The following PRKAR1B variants were observed in gnomAD, a reference collection of about 807,000 sequenced individuals.
PRKAR1B encodes protein kinase cAMP-dependent type I regulatory subunit beta.
In PRKAR1B, 22 loss-of-function variants were observed where a neutral mutation model predicts 46.5. That is an observed-to-expected ratio of 0.47 (90% CI 0.34 to 0.68). The LOEUF is 0.68. Ranked by LOEUF, PRKAR1B falls within the 30% of genes least tolerant of loss-of-function variation. The pLI is 0.01. For missense variants in PRKAR1B, 445 were observed against 535.6 expected, an observed-to-expected ratio of 0.83 and a Z score of 1.67; for synonymous variants, 259 against 217.7, an observed-to-expected ratio of 1.19 and a Z score of -1.67.
At chr7:577,715 C>T (rs1779940660) in intron 9 of PRKAR1B, among the ~76,000 whole-genome samples, 1 of 152,200 alleles carries the variant, frequency 6.6e-6, no homozygotes, top group African/African-American at 2.4e-5. Context: ...GGCCACAGTT[C>T]AAACAACCAT....
At chr7:671,314 C>T (rs1786242673) in intron 4 of PRKAR1B, among the ~76,000 whole-genome samples, 1 of 152,212 alleles carries the variant, frequency 6.6e-6, no homozygotes, top group Non-Finnish European at 1.5e-5. Flanking sequence ...AGGGGGCTCC[C>T]CACGCCCAAA....
intron 2 of PRKAR1B, among the ~76,000 whole-genome samples, chr7:697,264 G>A (rs1779791295): frequency 6.6e-6 from 1 of 152,150 alleles, no homozygotes; most frequent in African/African-American, 2.4e-5. Flanking sequence ...GCCTGGGGTG[G>A]GGGTGGAATC....
chr7:685,272 A>G lies in PRKAR1B; in HGVS notation c.178-4546T>C, dbSNP rs1562615350. Among the ~76,000 whole-genome samples, 2 of 30,746 alleles carry G rather than the reference A, an allele frequency of 6.5e-5. 1 individual carries two copies. The highest frequency in any genetic ancestry group is 1.3e-4 in the Non-Finnish European group (2 of 15,734). The allele number at this position is 30,746 out of a possible 152,430, so 20.2% of individuals were successfully genotyped here. A position where few individuals can be genotyped will look rare whatever the true frequency, so the allele number is the denominator to read the frequency against. ...ACGTTTTATATATACATATATACGT[A>G]TATATACGTATATATATGTATACAT... is the stretch of plus-strand genomic sequence containing the variant. On this transcript the variant is annotated intron_variant, in intron 2 of 10. Transcript: ENST00000537384.
At chr7:712,731 A>T (rs1207833484) in intron 1 of PRKAR1B, 1 of 55,676 alleles carries the variant, frequency 1.8e-5, no homozygotes, top group African/African-American at 6.9e-5. Flanking sequence ...CGCCCCCTCC[A>T]CTCAGACTCT....
intron 4 of PRKAR1B, among the ~76,000 whole-genome samples, chr7:660,538 C>G (rs1785459623): frequency 8.0e-6 from 1 of 124,576 alleles, no homozygotes; most frequent in African/African-American, 3.1e-5. Flanking sequence ...GCACAGGTCC[C>G]CACCCCAACG....
At chr7:695,030 CA>C (rs924223625) in intron 2 of PRKAR1B, among the ~76,000 whole-genome samples, 2,102 of 78,504 alleles carry the variant, frequency 0.027, 22 homozygotes, top group East Asian at 0.16. Flanking sequence ...GACTCCGTCT[CA>C]AAAAAAAAAA....
intron 4 of PRKAR1B, among the ~76,000 whole-genome samples, chr7:631,502 C>G (rs989003348): frequency 6.6e-6 from 1 of 152,210 alleles, no homozygotes; most frequent in African/African-American, 2.4e-5. Context: ...AGCACCCAGA[C>G]AGAAGCCAGT....
chr7:707,970 C>G (rs1780421607), intron 2 of PRKAR1B, among the ~76,000 whole-genome samples: 1 of 151,852 alleles, frequency 6.6e-6, no homozygotes, highest in Non-Finnish European at 1.5e-5. Flanking sequence ...CATCCCACCA[C>G]ACCTTGATCT....
At chr7:669,967 G>C (rs1054940917) in intron 4 of PRKAR1B, among the ~76,000 whole-genome samples, 1 of 146,342 alleles carries the variant, frequency 6.8e-6, no homozygotes, top group African/African-American at 2.5e-5. Context: ...CCAGGTTCAC[G>C]CCATTCTCCT....
At chr7:589,929 C>T (rs1780882349) in intron 7 of PRKAR1B, among the ~76,000 whole-genome samples, 1 of 152,256 alleles carries the variant, frequency 6.6e-6, no homozygotes, top group Non-Finnish European at 1.5e-5. Flanking sequence ...ATGATGCCAA[C>T]ACCAAGCCCA....
rs1213439598 is a variant in PRKAR1B at position 635,991 on chromosome 7, C to T, written c.441-28539G>A. On this transcript the variant is annotated intron_variant, in intron 4 of 10. Coordinates refer to ENST00000537384, the MANE Select transcript of PRKAR1B (RefSeq NM_001164760.2). Reference sequence around the variant, plus strand: ...ACGTCCTCCACCGGCCGCGCCCTCACGTCCTCCACCGGCCGCGCCCTCACG... The same window carrying T: ...ACGTCCTCCACCGGCCGCGCCCTCATGTCCTCCACCGGCCGCGCCCTCACG... Among the ~76,000 whole-genome samples, 8 of 101,360 alleles carry T rather than the reference C, an allele frequency of 7.9e-5. No homozygotes were observed. The East Asian group carries it at 2.5e-3, about 31-fold the overall frequency. 66.5% of individuals were successfully genotyped at this position (101,360 alleles called of 152,430 possible). A position where few individuals can be genotyped will look rare whatever the true frequency, so the allele number is the denominator to read the frequency against.
At chr7:711,205 C>T (rs1185720097) in intron 2 of PRKAR1B, 124 bp downstream of exon 2, 3 of 1,335,830 alleles carry the variant, frequency 2.2e-6, no homozygotes, top group Non-Finnish European at 2.1e-6. Context: ...ACCTGCAGGA[C>T]GGCAGACAGT....
chr7:663,602 C>G (rs1052262408), intron 4 of PRKAR1B, among the ~76,000 whole-genome samples: 1 of 152,098 alleles, frequency 6.6e-6, no homozygotes, highest in Non-Finnish European at 1.5e-5. Flanking sequence ...GGGGAGGGGA[C>G]GGCTGTGTCC....
intron 6 of PRKAR1B, among the ~76,000 whole-genome samples, chr7:605,481 C>T (rs141245067): frequency 2.3e-3 from 354 of 152,266 alleles, no homozygotes; most frequent in African/African-American, 8.0e-3. Flanking sequence ...GACTGGGCTG[C>T]GGGGCCAGGG....
intron 1 of PRKAR1B, chr7:712,626 C>CG (rs1780718417): frequency 1.6e-5 from 2 of 126,152 alleles, no homozygotes; most frequent in Non-Finnish European, 3.5e-5. Context: ...CCCCCAACCC[C>CG]GGCCCCCACC....
At chr7:723,828 T>A (rs73256261) in intron 1 of PRKAR1B, among the ~76,000 whole-genome samples, 1 of 152,166 alleles carries the variant, frequency 6.6e-6, no homozygotes, top group East Asian at 1.9e-4. Context: ...CCTCCCTGTT[T>A]GCTACCTGAG....
At chr7:621,555 GT>G (rs1347089634) in intron 4 of PRKAR1B, among the ~76,000 whole-genome samples, 5 of 152,182 alleles carry the variant, frequency 3.3e-5, no homozygotes, top group Admixed American at 6.5e-5. Context: ...AGGACTCCAC[GT>G]TTTCCACTTA....
chr7:572,461 C>A (rs1370801738), intron 9 of PRKAR1B, among the ~76,000 whole-genome samples: 4 of 152,126 alleles, frequency 2.6e-5, no homozygotes, highest in Admixed American at 2.6e-4. Flanking sequence ...TTCCTGCAGC[C>A]TGGCCCTGCC....
Position 560,385 on chromosome 7 carries a change from AT to A in PRKAR1B, c.892-8916del, listed in dbSNP as rs1446676668. Reference sequence around the variant, plus strand: ...AATAATAATAATAATAATAATAATAATAATAAATATATTTTAAAAGAAACTT... The same window carrying A: ...AATAATAATAATAATAATAATAATAAAATAAATATATTTTAAAAGAAACTT... On this transcript the variant is annotated intron_variant, in intron 9 of 10. Transcript: ENST00000537384. The surrounding 1 kb of genome is among the most constrained non-coding windows in gnomAD (Gnocchi z 4.2). 1.1e-3 allele frequency among the ~76,000 whole-genome samples: 164 copies of A among 149,874 alleles called. No homozygotes were observed. Among genetic ancestry groups the A allele is most frequent in the African/African-American group, 3.6e-3 (146 of 41,124 alleles).
Sources: gnomAD v4.1 joint callset for allele counts (sites outside exome capture counted in the v4.1 genomes callset) on GRCh38, gnomAD v4.1.1 for gene constraint, Gnocchi (gnomAD v3.1) non-coding constraint, MANE v1.5 for transcripts, NCBI Gene and HGNC (gene_info 2026-07-23, HGNC 2026-07-21) for gene names.